DSCAM: variants seen among roughly 807,000 people sequenced by gnomAD.
The protein encoded by DSCAM is cell adhesion molecule DSCAM.
DSCAM carries 47 observed loss-of-function variants against 217.7 expected under a neutral mutation model. The observed-to-expected ratio is 0.22, with a 90% CI of 0.17 to 0.28. The LOEUF is 0.28. DSCAM is among the 10% of genes least tolerant of loss of function. The probability of loss-of-function intolerance (pLI) is 1.00; values close to 1 mark genes in which losing one functional copy is unlikely to be tolerated. For missense variants in DSCAM, 2,080 were observed against 2,618.3 expected, an observed-to-expected ratio of 0.79 and a Z score of 4.49; for synonymous variants, 1,056 against 1,015.3, an observed-to-expected ratio of 1.04 and a Z score of -0.76.
intron 20 of DSCAM, among the ~76,000 whole-genome samples, chr21:40,096,844 T>C (rs188296175): frequency 9.2e-5 from 14 of 152,256 alleles, no homozygotes; most frequent in Non-Finnish European, 1.6e-4. Context: ...TGGCAGCCAA[T>C]TTCATTTGAA....
intron 3 of DSCAM, among the ~76,000 whole-genome samples, chr21:40,433,542 A>G (rs1362772234): frequency 1.2e-4 from 19 of 152,186 alleles, no homozygotes; most frequent in South Asian, 4.1e-4. Context: ...GAATGAAAAC[A>G]AAAGCTTGGA....
chr21:40,459,627 G>C (rs916918542), intron 3 of DSCAM, among the ~76,000 whole-genome samples: 1 of 152,138 alleles, frequency 6.6e-6, no homozygotes, highest in African/African-American at 2.4e-5. Flanking sequence ...AATGACCATT[G>C]AGTAAGCGGA....
rs186076184 is a variant in DSCAM, at chr21:40,692,951, G to A, written c.367C>T (p.Arg123Trp). Reference sequence around the variant, plus strand: ...TCCACACGGACTGTATAGGGCTCCCGTAAAACTGGAAGGCAGAAAGAGGAC... The same window carrying A: ...TCCACACGGACTGTATAGGGCTCCCATAAAACTGGAAGGCAGAAAGAGGAC... The part of the protein sequence containing the change: ...SQDVHIKAVL[R>W]EPYTVRVEDQ... Residue 123 changes from arginine (R) to tryptophan (W), a missense_variant, in exon 3 of 33, where the codon CGG becomes TGG. By Grantham distance (101) the Arg-to-Trp change is moderately radical (BLOSUM62 -3). Coordinates refer to ENST00000400454, the MANE Select transcript of DSCAM (RefSeq NM_001389.5). 4 of 1,601,254 alleles carry A rather than the reference G, an allele frequency of 2.5e-6. No individual in the cohort carries two copies. The highest frequency in any genetic ancestry group is 1.7e-5 in the Admixed American group (1 of 59,728).
At chr21:40,622,104 T>C (rs1240718848) in intron 3 of DSCAM, among the ~76,000 whole-genome samples, 2 of 152,136 alleles carry the variant, frequency 1.3e-5, no homozygotes, top group African/African-American at 2.4e-5. Flanking sequence ...AGTTGATGCA[T>C]TGCTATTTTA....
At chr21:40,701,746 A>G (rs2090658963) in intron 2 of DSCAM, among the ~76,000 whole-genome samples, 1 of 151,986 alleles carries the variant, frequency 6.6e-6, no homozygotes, top group South Asian at 2.1e-4. Flanking sequence ...TTTCTCAGAG[A>G]TGTTATTGTT....
At chr21:40,327,257 C>A (rs1014517356) in intron 8 of DSCAM, among the ~76,000 whole-genome samples, 1 of 152,122 alleles carries the variant, frequency 6.6e-6, no homozygotes, top group Admixed American at 6.6e-5. Flanking sequence ...GCTTGGCATT[C>A]TTTTCCCTTT....
chr21:40,338,831 C>T (rs1025480023), intron 7 of DSCAM, among the ~76,000 whole-genome samples: 2 of 151,944 alleles, frequency 1.3e-5, no homozygotes, highest in South Asian at 2.1e-4. Flanking sequence ...TGTGGAAGAA[C>T]CGAAGAGAAG....
chr21:40,822,898 T>G (rs2091940360), intron 1 of DSCAM, among the ~76,000 whole-genome samples: 1 of 152,128 alleles, frequency 6.6e-6, no homozygotes, highest in Non-Finnish European at 1.5e-5. Flanking sequence ...GCCTGCAATC[T>G]CAGCACTTTG....
In DSCAM at chr21:40,144,417, G is replaced by A. The variant is rs535095705; in HGVS notation, c.3259+74C>T. On this transcript the variant is annotated intron_variant, in intron 17 of 32. Coordinates refer to ENST00000400454, the MANE Select transcript of DSCAM (RefSeq NM_001389.5). This position sits in a 1 kb window ranked among gnomAD's most constrained non-coding sequence, Gnocchi z 4.8. ...TCGTGGGGCGGGGGAGTGCGAGGTT[G>A]GGGGAGCCCCGGGGCAGACCCGAGG... 207 of 1,583,188 alleles carry A rather than the reference G, an allele frequency of 1.3e-4. 2 individuals carry two copies. In the South Asian group the frequency reaches 1.5e-3, roughly 12 times the overall value.
chr21:40,560,740 C>T (rs1434345708), intron 3 of DSCAM, among the ~76,000 whole-genome samples: 17 of 152,158 alleles, frequency 1.1e-4, no homozygotes, highest in African/African-American at 2.7e-4. Flanking sequence ...TGTAGAGTAC[C>T]GGTTGTTTGC....
At chr21:40,722,628 C>T (rs1225565338) in intron 1 of DSCAM, among the ~76,000 whole-genome samples, 1 of 151,812 alleles carries the variant, frequency 6.6e-6, no homozygotes, top group Admixed American at 6.6e-5. Flanking sequence ...GAACAGAGGA[C>T]AGATAGAAAA....
chr21:40,755,050 CTT>C (rs1163499700), intron 1 of DSCAM, among the ~76,000 whole-genome samples: 4 of 152,150 alleles, frequency 2.6e-5, no homozygotes, highest in Admixed American at 6.5e-5. Flanking sequence ...GGTGTGAAGA[CTT>C]AGAATATGGC....
chr21:40,665,157 G>A (rs567071994), intron 3 of DSCAM, among the ~76,000 whole-genome samples: 7 of 152,268 alleles, frequency 4.6e-5, no homozygotes, highest in Middle Eastern at 3.4e-3. Flanking sequence ...GCAAGCAAAG[G>A]AATAAAGGAA....
At chr21:40,596,445 G>T (rs2077022160) in intron 3 of DSCAM, among the ~76,000 whole-genome samples, 2 of 152,130 alleles carry the variant, frequency 1.3e-5, no homozygotes, top group South Asian at 4.1e-4. Flanking sequence ...TTGTCAAAGA[G>T]CTTATTGAAT....
intron 29 of DSCAM, among the ~76,000 whole-genome samples, chr21:40,053,716 G>A (rs2088969711): frequency 6.6e-6 from 1 of 152,190 alleles, no homozygotes; most frequent in African/African-American, 2.4e-5. Flanking sequence ...GGCTCTTGCT[G>A]ATACATGATC....
At chr21:40,678,268 G>C (rs1453499201) in intron 3 of DSCAM, among the ~76,000 whole-genome samples, 1 of 152,006 alleles carries the variant, frequency 6.6e-6, no homozygotes, top group African/African-American at 2.4e-5. Flanking sequence ...TTTTAAAATG[G>C]CAACTTTAAA....
At chr21:40,825,090 C>G (rs1315318252) in intron 1 of DSCAM, among the ~76,000 whole-genome samples, 1 of 152,038 alleles carries the variant, frequency 6.6e-6, no homozygotes, top group Non-Finnish European at 1.5e-5. Context: ...GTTTCTTGCA[C>G]AGTCGTTAAT....
chr21:40,330,321 AT>A (rs1398765901), intron 8 of DSCAM, among the ~76,000 whole-genome samples: 1 of 145,384 alleles, frequency 6.9e-6, no homozygotes, highest in Non-Finnish European at 1.5e-5. Context: ...TAAATTATAT[AT>A]TTATTATATT....
At chr21:40,482,357 G>T (rs1332088271) in intron 3 of DSCAM, among the ~76,000 whole-genome samples, 1 of 152,172 alleles carries the variant, frequency 6.6e-6, no homozygotes, top group African/African-American at 2.4e-5. Context: ...GAAAACACGT[G>T]CCTAGCACCC....
Sources: allele counts gnomAD v4.1 joint callset (sites outside exome capture counted in the v4.1 genomes callset), GRCh38; gene constraint gnomAD v4.1.1; non-coding constraint Gnocchi (gnomAD v3.1); transcripts MANE v1.5; gene names NCBI Gene and HGNC (gene_info 2026-07-23, HGNC 2026-07-21).